HTR7: variants seen among roughly 807,000 people sequenced by gnomAD.
HTR7 encodes 5-hydroxytryptamine receptor 7.
A neutral mutation model predicts 34.0 loss-of-function variants in HTR7; 16 were observed. That is an observed-to-expected ratio of 0.47 (90% confidence interval 0.32 to 0.71). The LOEUF (loss-of-function observed/expected upper bound fraction) is 0.71, where lower values mean the gene tolerates loss of function less well. Ranked by LOEUF, HTR7 falls within the 30% of genes least tolerant of loss-of-function variation. The probability of loss-of-function intolerance (pLI) is 0.04; values close to 1 mark genes in which losing one functional copy is unlikely to be tolerated. For synonymous variants in HTR7, 265 were observed against 260.2 expected, an observed-to-expected ratio of 1.02 and a Z score of -0.18; for missense variants, 504 against 625.5, an observed-to-expected ratio of 0.81 and a Z score of 2.07.
intron 1 of HTR7, among the ~76,000 whole-genome samples, chr10:90,846,890 G>C (rs1169437656): frequency 6.6e-6 from 1 of 152,150 alleles, no homozygotes; most frequent in Middle Eastern, 3.2e-3. Flanking sequence ...ACTGCAAGGG[G>C]TGAAGGGTTA....
At chr10:90,804,700 G>A (rs12775181) in intron 1 of HTR7, among the ~76,000 whole-genome samples, 1 of 152,220 alleles carries the variant, frequency 6.6e-6, no homozygotes, top group Admixed American at 6.5e-5. Flanking sequence ...AGACTTCTAT[G>A]GTTAGCAGTC....
At position 90,821,940 on chromosome 10, in the gene HTR7, C is replaced by T. The variant is rs556670606; in HGVS notation, c.539+35193G>A. Among the ~76,000 whole-genome samples the T allele has an allele frequency of 1.6e-4, 24 of 152,302 alleles. 1 individual carries two copies. The highest frequency in any genetic ancestry group is 5.3e-4 in the African/African-American group (22 of 41,570). ...GATTTTAAGTTTCCTGAGGCCTCCC[C>T]AGCCATGCCTCCTGTACAGCCTTTG... On this transcript the variant is annotated intron_variant, in intron 1 of 3. Transcript: ENST00000336152.
At chr10:90,788,695 G>A (rs1445778643) in intron 1 of HTR7, among the ~76,000 whole-genome samples, 2 of 152,064 alleles carry the variant, frequency 1.3e-5, no homozygotes, top group South Asian at 2.1e-4. Context: ...CAAAAATTTT[G>A]AATGTACTTC....
At chr10:90,760,674 G>A (rs1007648124) in intron 1 of HTR7, among the ~76,000 whole-genome samples, 1 of 152,166 alleles carries the variant, frequency 6.6e-6, no homozygotes, top group African/African-American at 2.4e-5. Context: ...GAGGTCAGGA[G>A]TTTGAGACCA....
chr10:90,800,345 C>A (rs966524000), intron 1 of HTR7, among the ~76,000 whole-genome samples: 1 of 152,092 alleles, frequency 6.6e-6, no homozygotes, highest in Non-Finnish European at 1.5e-5. Context: ...TCTAAGCCCC[C>A]AACTGACTGA....
intron 1 of HTR7, among the ~76,000 whole-genome samples, chr10:90,751,269 G>A (rs1844727993): frequency 6.6e-6 from 1 of 152,104 alleles, no homozygotes; most frequent in African/African-American, 2.4e-5. Flanking sequence ...GCAGTGCGGG[G>A]GAAAGTAACT....
rs1844694930 is a variant in HTR7 at position 90,749,300 on chromosome 10, G to T, written c.834C>A (p.Phe278Leu). Residue 278 changes from phenylalanine (F) to leucine (L), a missense_variant, in exon 2 of 4, where the codon TTC (phenylalanine) becomes TTA (leucine). Physicochemically the swap from Phe to Leu is conservative, Grantham distance 22 (BLOSUM62 0). Coordinates refer to ENST00000336152, the MANE Select transcript of HTR7 (RefSeq NM_019859.4). The surrounding 1 kb of genome is among the most constrained non-coding windows in gnomAD (Gnocchi z 4.2). ...TGACGCTGTCTGGCTCCACTCGAGGGAAGCCAGGAAACTTGTGTTTGGCAG... is the reference window on the plus strand; with the variant it reads ...TGACGCTGTCTGGCTCCACTCGAGGTAAGCCAGGAAACTTGTGTTTGGCAG... ...KSAAKHKFPGFPRVEPDSVIA... is the reference protein window; with the variant it reads ...KSAAKHKFPGLPRVEPDSVIA... 2 of 1,614,030 alleles carry T rather than the reference G, an allele frequency of 1.2e-6. No individual in the cohort carries two copies. Among genetic ancestry groups the T allele is most frequent in the African/African-American group, 2.7e-5 (2 of 74,924 alleles).
At chr10:90,844,578 T>C (rs1205626229) in intron 1 of HTR7, among the ~76,000 whole-genome samples, 1 of 150,812 alleles carries the variant, frequency 6.6e-6, no homozygotes, top group East Asian at 1.9e-4. Context: ...ACAAAAAAAA[T>C]TAGCCGGGCG....
At chr10:90,821,131 CAT>C (rs1359942284) in intron 1 of HTR7, among the ~76,000 whole-genome samples, 23 of 105,362 alleles carry the variant, frequency 2.2e-4, no homozygotes, top group African/African-American at 9.2e-4. Context: ...CACACACACA[CAT>C]GCACACACAC....
At chr10:90,812,925 C>T (rs1207581205) in intron 1 of HTR7, among the ~76,000 whole-genome samples, 1 of 152,178 alleles carries the variant, frequency 6.6e-6, no homozygotes, top group Non-Finnish European at 1.5e-5. Context: ...CCCTGCCCCG[C>T]CTTAACTGAT....
intron 3 of HTR7, 67 bp from the exon 4 acceptor site, chr10:90,742,595 T>C: frequency 8.7e-7 from 1 of 1,146,410 alleles, no homozygotes; most frequent in Non-Finnish European, 1.3e-6. Flanking sequence ...TTTCATTTTG[T>C]GGTAGGTGGA....
chr10:90,816,806 C>T (rs1013648785), intron 1 of HTR7, among the ~76,000 whole-genome samples: 4 of 152,190 alleles, frequency 2.6e-5, no homozygotes, highest in African/African-American at 9.7e-5. Flanking sequence ...CGGGGACTAT[C>T]ATGGAAGAAG....
chr10:90,809,794 C>A (rs936794315), intron 1 of HTR7, among the ~76,000 whole-genome samples: 2 of 152,216 alleles, frequency 1.3e-5, no homozygotes, highest in African/African-American at 4.8e-5. Context: ...CACTGGAAAT[C>A]GGACTGTCCA....
intron 1 of HTR7, among the ~76,000 whole-genome samples, chr10:90,753,057 G>C (rs1054836094): frequency 5.3e-5 from 8 of 152,156 alleles, no homozygotes; most frequent in Admixed American, 6.5e-5. Flanking sequence ...ATTCTGTGAA[G>C]AGTTAAAAGT....
chr10:90,797,504 T>C (rs1186800168), intron 1 of HTR7, among the ~76,000 whole-genome samples: 1 of 152,178 alleles, frequency 6.6e-6, no homozygotes, highest in Admixed American at 6.5e-5. Flanking sequence ...TTCAATGTTA[T>C]TCTGTAGGGT....
chr10:90,816,135 C>G lies in HTR7; in HGVS notation c.539+40998G>C, dbSNP rs139568156. Among the ~76,000 whole-genome samples, 45 of 152,314 alleles carry G rather than the reference C, an allele frequency of 3.0e-4. 1 individual carries two copies. The East Asian group carries it at 8.7e-3, about 29-fold the overall frequency. ...CCCTAGGACTGCGTCTGAAGCTATGCGAGGAGCTCCTGGATTTTACATTAC... is the reference window on the plus strand; with the variant it reads ...CCCTAGGACTGCGTCTGAAGCTATGGGAGGAGCTCCTGGATTTTACATTAC... On this transcript the variant is annotated intron_variant, in intron 1 of 3. Transcript: ENST00000336152.
intron 1 of HTR7, among the ~76,000 whole-genome samples, chr10:90,801,965 C>T (rs141771623): frequency 1.3e-5 from 2 of 152,220 alleles, no homozygotes; most frequent in Admixed American, 6.5e-5. Context: ...CAGAAATAGC[C>T]TTTTTTGTTG....
intron 1 of HTR7, among the ~76,000 whole-genome samples, chr10:90,813,766 C>T (rs58460916): frequency 0.28 from 42,462 of 151,984 alleles, 6,485 homozygotes; most frequent in African/African-American, 0.41. Context: ...TTCCCTTCTC[C>T]TTGCCAAACC....
At chr10:90,798,904 C>T (rs540426370) in intron 1 of HTR7, among the ~76,000 whole-genome samples, 6 of 152,206 alleles carry the variant, frequency 3.9e-5, no homozygotes, top group African/African-American at 9.6e-5. Flanking sequence ...CCTTCTTGCC[C>T]GAGAACTAGA....
Sources: gnomAD v4.1 joint callset for allele counts (sites outside exome capture counted in the v4.1 genomes callset) on GRCh38, gnomAD v4.1.1 for gene constraint, Gnocchi (gnomAD v3.1) non-coding constraint, MANE v1.5 for transcripts, NCBI Gene and HGNC (gene_info 2026-07-23, HGNC 2026-07-21) for gene names.